Variants in LTBP1 observed in about 807,000 individuals in gnomAD.
LTBP1 encodes latent transforming growth factor beta binding protein 1.
A neutral mutation model predicts 207.6 loss-of-function variants in LTBP1; 129 were observed. The observed-to-expected ratio is 0.62, with a 90% CI of 0.54 to 0.72. LTBP1 has a LOEUF of 0.72. LTBP1 is among the 30% of genes least tolerant of loss of function. The pLI is 0.00. For missense variants in LTBP1, 2,281 were observed against 2,217.2 expected, an observed-to-expected ratio of 1.03 and a Z score of -0.58; for synonymous variants, 963 against 833.7, an observed-to-expected ratio of 1.16 and a Z score of -2.67.
intron 23 of LTBP1, among the ~76,000 whole-genome samples, chr2:33,312,543 A>G (rs1558993545): frequency 6.6e-6 from 1 of 151,784 alleles, no homozygotes; most frequent in Non-Finnish European, 1.5e-5. Flanking sequence ...AAAGAAACCC[A>G]ACTTAAATAT....
At chr2:33,288,854 CAA>C (rs200975631) in intron 19 of LTBP1, among the ~76,000 whole-genome samples, 27 of 72,994 alleles carry the variant, frequency 3.7e-4, no homozygotes, top group Admixed American at 7.8e-4. Context: ...GACTCTGTCT[CAA>C]AAAAAAAAAA....
In LTBP1 at chr2:33,335,659, C is replaced by G. The variant is rs115681634; in HGVS notation, c.3731-7179C>G. On this transcript the variant is annotated intron_variant, in intron 24 of 33. Transcript: ENST00000404816. ...CTTCCCTCCTGTGCTGTGAGAGAGA[C>G]CTTAATCGCTTGTGGGCCAGCAGCC... Among the ~76,000 whole-genome samples, 909 of 152,268 alleles carry G rather than the reference C, an allele frequency of 6.0e-3. 6 individuals are homozygous for G. Among genetic ancestry groups the G allele is most frequent in the African/African-American group, 0.021 (880 of 41,542 alleles).
intron 25 of LTBP1, 116 bp from the exon 26 acceptor site, chr2:33,347,251 T>C: frequency 1.7e-6 from 2 of 1,150,084 alleles, no homozygotes; most frequent in Non-Finnish European, 1.3e-6. Flanking sequence ...GTTTGACTGC[T>C]CTCTGGGGAT....
intron 3 of LTBP1, among the ~76,000 whole-genome samples, chr2:33,075,032 C>G (rs1188916151): frequency 1.3e-5 from 2 of 151,894 alleles, no homozygotes; most frequent in Non-Finnish European, 2.9e-5. Flanking sequence ...GCCTGGGTGA[C>G]AAAGTGAGAC....
chr2:33,253,496 C>G (rs2092739749), intron 11 of LTBP1, among the ~76,000 whole-genome samples: 3 of 152,102 alleles, frequency 2.0e-5, no homozygotes, highest in Non-Finnish European at 4.4e-5. Flanking sequence ...CAAGCAGGAT[C>G]AAGTAGAGTT....
At chr2:33,395,781 C>A (rs2095352747) in intron 32 of LTBP1, among the ~76,000 whole-genome samples, 1 of 151,390 alleles carries the variant, frequency 6.6e-6, no homozygotes, top group Admixed American at 6.6e-5. Context: ...AACTCCATAT[C>A]CTTGTCCAAT....
intron 31 of LTBP1, among the ~76,000 whole-genome samples, chr2:33,372,382 A>G (rs1487771906): frequency 6.6e-6 from 1 of 152,230 alleles, no homozygotes; most frequent in African/African-American, 2.4e-5. Flanking sequence ...TAGAGCTAAC[A>G]ATGAGCATAA....
intron 4 of LTBP1, among the ~76,000 whole-genome samples, chr2:33,130,523 A>G (rs1156928552): frequency 6.6e-6 from 1 of 152,198 alleles, no homozygotes; most frequent in Non-Finnish European, 1.5e-5. Context: ...CTGTTTGTCA[A>G]GCACAGTTTT....
chr2:33,213,344 A>G (rs1434225366), intron 7 of LTBP1, among the ~76,000 whole-genome samples: 1 of 152,234 alleles, frequency 6.6e-6, no homozygotes, highest in Non-Finnish European at 1.5e-5. Flanking sequence ...TGTAGTGAAT[A>G]ATTCACAAAG....
At chr2:33,181,019 A>G (rs1047429888) in intron 5 of LTBP1, among the ~76,000 whole-genome samples, 1 of 152,196 alleles carries the variant, frequency 6.6e-6, no homozygotes, top group Admixed American at 6.5e-5. Flanking sequence ...AAAAGGACAG[A>G]TACGGGTTTT....
intron 20 of LTBP1, 82 bp from the exon 21 acceptor site, chr2:33,300,369 A>G (rs756944842): frequency 1.4e-6 from 2 of 1,397,274 alleles, no homozygotes; most frequent in East Asian, 2.4e-5. Flanking sequence ...TTGTTACACT[A>G]ATCCCAGAAT....
chr2:33,209,951 G>A (rs991447651), intron 7 of LTBP1, among the ~76,000 whole-genome samples: 8 of 152,236 alleles, frequency 5.3e-5, no homozygotes, highest in South Asian at 2.1e-4. Context: ...GCAGAGAGAC[G>A]TTGAGAGTTT....
At chr2:33,204,811 C>A (rs1007344193) in intron 7 of LTBP1, among the ~76,000 whole-genome samples, 3 of 152,194 alleles carry the variant, frequency 2.0e-5, no homozygotes, top group African/African-American at 7.2e-5. Context: ...ACCTTCAAAA[C>A]AATCAGGAGA....
chr2:33,276,052 T>C, intron 18 of LTBP1, 129 bp downstream of exon 18: 1 of 1,168,998 alleles, frequency 8.6e-7, no homozygotes. Flanking sequence ...TTCTGCTTCC[T>C]AGATTCACAG....
At chr2:33,354,240 T>C (rs2094824042) in intron 26 of LTBP1, among the ~76,000 whole-genome samples, 1 of 152,176 alleles carries the variant, frequency 6.6e-6, no homozygotes, top group African/African-American at 2.4e-5. Context: ...GAGTCTGTTT[T>C]TTAAAATGTG....
chr2:33,021,247 A>G (rs1446585182), intron 3 of LTBP1, 41 bp downstream of exon 3: 4 of 1,525,598 alleles, frequency 2.6e-6, no homozygotes, highest in Non-Finnish European at 3.5e-6. Context: ...GATCATCTTA[A>G]TTACTCTCTT....
At position 32,975,583 on chromosome 2, in the gene LTBP1, G is replaced by GTTTTTTTTTTTTTTTTTT. The variant is rs779168923; in HGVS notation, c.565+26659_565+26676dup. ...TTGTTGGAGGTTTCATTCATTCTTTGTTTTTTTTTTTTTTTTTTTTTTTTT... is the reference window on the plus strand; with the variant it reads ...TTGTTGGAGGTTTCATTCATTCTTTGTTTTTTTTTTTTTTTTTTTTTTTTTTTTTTTTTTTTTTTTTTT... On this transcript the variant is annotated intron_variant, in intron 2 of 33. Transcript: ENST00000404816. Among the ~76,000 whole-genome samples, 40 of 31,382 alleles carry GTTTTTTTTTTTTTTTTTT rather than the reference G, an allele frequency of 1.3e-3. 10 individuals are homozygous for GTTTTTTTTTTTTTTTTTT. The highest frequency in any genetic ancestry group is 4.0e-3 in the African/African-American group (29 of 7,286). The allele number at this position is 31,382 out of a possible 152,430, so 20.6% of individuals were successfully genotyped here.
intron 6 of LTBP1, 129 bp downstream of exon 6, chr2:33,187,209 G>A: frequency 6.9e-6 from 5 of 722,192 alleles, no homozygotes; most frequent in Non-Finnish European, 9.2e-6. Context: ...TGTGGCCTGA[G>A]AAATGGCAGT....
intron 7 of LTBP1, among the ~76,000 whole-genome samples, chr2:33,190,613 T>C (rs2087754788): frequency 6.6e-6 from 1 of 152,188 alleles, no homozygotes; most frequent in Admixed American, 6.5e-5. Context: ...AGAGATAAGA[T>C]GTGGGGCTCA....
Sources: allele counts gnomAD v4.1 joint callset (sites outside exome capture counted in the v4.1 genomes callset), GRCh38; gene constraint gnomAD v4.1.1; transcripts MANE v1.5; gene names NCBI Gene and HGNC (gene_info 2026-07-23, HGNC 2026-07-21).